WHRN: variants seen among roughly 807,000 people sequenced by gnomAD.
WHRN encodes the protein whirlin.
Under a neutral mutation model 68.3 loss-of-function variants are expected in WHRN, and 41 were observed. That is an observed-to-expected ratio of 0.60 (90% confidence interval 0.47 to 0.78). The LOEUF (loss-of-function observed/expected upper bound fraction) is 0.78. Among genes scored for constraint, WHRN ranks in the 30% least tolerant of loss-of-function variants. The probability of loss-of-function intolerance (pLI) is 0.00; values close to 1 mark genes in which losing one functional copy is unlikely to be tolerated. For synonymous variants in WHRN, 560 were observed against 561.3 expected (o/e 1.00, Z 0.03); for missense variants, 1,243 against 1,244.7 (o/e 1.00, Z 0.02).
intron 1 of WHRN, among the ~76,000 whole-genome samples, chr9:114,499,599 A>G (rs1380734725): frequency 1.3e-5 from 2 of 152,178 alleles, no homozygotes; most frequent in African/African-American, 4.8e-5. Context: ...TTCGGTGCAA[A>G]GCCCTTTGCA....
chr9:114,480,021 C>T (rs895327391), intron 1 of WHRN, among the ~76,000 whole-genome samples: 1 of 152,096 alleles, frequency 6.6e-6, no homozygotes, highest in Non-Finnish European at 1.5e-5. Context: ...TGAGATCGTG[C>T]CACTGCACTC....
At chr9:114,478,355 G>A (rs1381346651) in intron 2 of WHRN, 198 bp downstream of exon 2, 10 of 722,578 alleles carry the variant, frequency 1.4e-5, no homozygotes, top group Non-Finnish European at 2.3e-5. Context: ...TGGCAGCTTA[G>A]CCTGTATTAT....
Position 114,504,960 on chromosome 9 carries a change from G to T in WHRN, c.-159C>A, listed in dbSNP as rs984350191. On this transcript the variant is annotated 5_prime_UTR_variant, in exon 1 of 12. Coordinates refer to ENST00000362057, the MANE Select transcript of WHRN (RefSeq NM_015404.4). Reference sequence around the variant, plus strand: ...GGGTACAGTGGCTGGATCCTAGGGGGTCGCGGAGACCGCTGCTAGAGTCCC... The same window carrying T: ...GGGTACAGTGGCTGGATCCTAGGGGTTCGCGGAGACCGCTGCTAGAGTCCC... 1.8e-6 allele frequency: 2 copies of T among 1,106,438 alleles called. No individual in the cohort carries two copies. The highest frequency in any genetic ancestry group is 2.3e-6 in the Non-Finnish European group (2 of 856,558). The allele number at this position is 1,106,438 out of a possible 1,614,324, so 68.5% of individuals were successfully genotyped here. A position where few individuals can be genotyped will look rare whatever the true frequency, so the allele number is the denominator to read the frequency against.
intron 2 of WHRN, among the ~76,000 whole-genome samples, chr9:114,470,812 C>T (rs1403242169): frequency 1.3e-5 from 2 of 149,034 alleles, no homozygotes; most frequent in Non-Finnish European, 1.5e-5. Flanking sequence ...TGCAGTCAGT[C>T]CCCCGCCCCA....
At chr9:114,409,939 AG>A (rs368084302) in intron 7 of WHRN, among the ~76,000 whole-genome samples, 1 of 152,088 alleles carries the variant, frequency 6.6e-6, no homozygotes, top group African/African-American at 2.4e-5. Flanking sequence ...AGGACCCCCA[AG>A]GGCCTCTTCA....
chr9:114,475,931 C>T (rs1452285867), intron 2 of WHRN, among the ~76,000 whole-genome samples: 1 of 152,064 alleles, frequency 6.6e-6, no homozygotes, highest in Non-Finnish European at 1.5e-5. Flanking sequence ...GTATCTGGGT[C>T]CTCCCTGGAG....
At chr9:114,426,948 G>T (rs149364880) in intron 3 of WHRN, among the ~76,000 whole-genome samples, 25 of 152,278 alleles carry the variant, frequency 1.6e-4, no homozygotes, top group Non-Finnish European at 2.4e-4. Flanking sequence ...TTCTTACAAG[G>T]AGGCAGCTTT....
chr9:114,477,324 C>T (rs1457638240), intron 2 of WHRN, among the ~76,000 whole-genome samples: 1 of 152,238 alleles, frequency 6.6e-6, no homozygotes, highest in Non-Finnish European at 1.5e-5. Context: ...TGTCAAGGTC[C>T]TACACACCAG....
chr9:114,428,361 G>A (rs776691956), intron 3 of WHRN, among the ~76,000 whole-genome samples: 32 of 152,194 alleles, frequency 2.1e-4, no homozygotes, highest in Non-Finnish European at 2.9e-4. Flanking sequence ...AAAAAGACAC[G>A]CATTTCCATC....
chr9:114,477,694 C>T (rs1340463510), intron 2 of WHRN, among the ~76,000 whole-genome samples: 2 of 152,214 alleles, frequency 1.3e-5, no homozygotes, highest in South Asian at 2.1e-4. Flanking sequence ...CATCCCCCTA[C>T]TGCAGGCTGC....
chr9:114,445,296 C>A (rs1370994214), intron 3 of WHRN, among the ~76,000 whole-genome samples: 1 of 152,136 alleles, frequency 6.6e-6, no homozygotes, highest in Non-Finnish European at 1.5e-5. Flanking sequence ...CCCGCCTTGG[C>A]CACCCAAAGT....
chr9:114,466,198 A>G (rs1005746951), intron 3 of WHRN, 69 bp downstream of exon 3: 13 of 1,606,628 alleles, frequency 8.1e-6, no homozygotes, highest in Non-Finnish European at 1.1e-5. Context: ...GCTCTGCTGG[A>G]GGTCTATTTA....
chr9:114,501,486 C>T (rs893276632), intron 1 of WHRN, among the ~76,000 whole-genome samples: 8 of 151,748 alleles, frequency 5.3e-5, no homozygotes, highest in African/African-American at 1.9e-4. Context: ...AAAGCTGCAA[C>T]TTTCCTTTAT....
chr9:114,451,395 C>T (rs1839318214), intron 3 of WHRN, among the ~76,000 whole-genome samples: 1 of 152,122 alleles, frequency 6.6e-6, no homozygotes, highest in African/African-American at 2.4e-5. Flanking sequence ...TGATGAAACT[C>T]AGGAGATCCT....
intron 3 of WHRN, among the ~76,000 whole-genome samples, chr9:114,461,028 T>C (rs1210194159): frequency 6.6e-6 from 1 of 152,198 alleles, no homozygotes; most frequent in East Asian, 1.9e-4. Flanking sequence ...ACAGCAGGAA[T>C]ATAAAATGCT....
rs572535637 is a variant in WHRN at position 114,499,011 on chromosome 9, C to T, written c.618+5173G>A. On this transcript the variant is annotated intron_variant, in intron 1 of 11. Coordinates refer to ENST00000362057, the MANE Select transcript of WHRN (RefSeq NM_015404.4). ...CATACTCCAGGTGACAATGATGTGT[C>T]AATGTAGGTTCATCAATTGTTGATA... Among the ~76,000 whole-genome samples the T allele has an allele frequency of 5.3e-5, 8 of 152,294 alleles. No individual in the cohort carries two copies. The South Asian group carries it at 1.2e-3, about 24-fold the overall frequency.
chr9:114,417,168 A>T (rs1835878812), intron 7 of WHRN, among the ~76,000 whole-genome samples: 1 of 152,240 alleles, frequency 6.6e-6, no homozygotes, highest in Admixed American at 6.5e-5. Flanking sequence ...AATGGGGGAA[A>T]GCTGGATCTG....
At chr9:114,429,905 C>A (rs180936315) in intron 3 of WHRN, among the ~76,000 whole-genome samples, 1 of 152,200 alleles carries the variant, frequency 6.6e-6, no homozygotes, top group Non-Finnish European at 1.5e-5. Flanking sequence ...CACCTCCCCA[C>A]GTGGCAGCTC....
At chr9:114,411,571 A>C (rs894175897) in intron 7 of WHRN, among the ~76,000 whole-genome samples, 2 of 152,190 alleles carry the variant, frequency 1.3e-5, no homozygotes, top group African/African-American at 2.4e-5. Flanking sequence ...CTGTGCAGGA[A>C]GCTCTTATCA....
Sources: gnomAD v4.1 joint callset for allele counts (sites outside exome capture counted in the v4.1 genomes callset) on GRCh38, gnomAD v4.1.1 for gene constraint, MANE v1.5 for transcripts, NCBI Gene and HGNC (gene_info 2026-07-23, HGNC 2026-07-21) for gene names.